Variants in FILIP1L observed in about 807,000 individuals in gnomAD.
FILIP1L encodes the protein filamin A-interacting protein 1-like.
FILIP1L carries 55 observed loss-of-function variants against 96.6 expected under a neutral mutation model. The ratio of observed to expected loss-of-function variants is 0.57; its 90% CI spans 0.46 to 0.71. The LOEUF is 0.71. Ranked by LOEUF, FILIP1L falls within the 30% of genes least tolerant of loss-of-function variation. The pLI is 0.00. For synonymous variants in FILIP1L, 467 were observed against 473.9 expected, an observed-to-expected ratio of 0.99 and a Z score of 0.19; for missense variants, 1,304 against 1,321.2, an observed-to-expected ratio of 0.99 and a Z score of 0.20.
At chr3:100,041,523 GA>G (rs2065204875) in intron 1 of FILIP1L, 1 of 152,098 alleles carries the variant, frequency 6.6e-6, no homozygotes, top group Non-Finnish European at 1.5e-5. Flanking sequence ...CAAAGAATGT[GA>G]GGTCAAATTT....
chr3:99,849,054 C>T lies in FILIP1L; in HGVS notation c.2622G>A (p.Gln874=). 1 of 1,614,176 alleles carries T rather than the reference C, an allele frequency of 6.2e-7. No individual in the cohort carries two copies. The highest frequency in any genetic ancestry group is 1.3e-5 in the African/African-American group (1 of 75,060). The change falls in exon 5 of 6, where the codon CAG becomes CAA. Residue 874 remains glutamine, a synonymous_variant. Transcript: ENST00000477258. ...PWMKSKEGHL[Q]NGKMQTKPNA... ...TGGGTTTAGTTTGCATTTTTCCATT[C>T]TGAAGATGGCCCTCCTTGGATTTCA...
chr3:99,979,916 G>C (rs1303705860), intron 1 of FILIP1L, among the ~76,000 whole-genome samples: 1 of 152,168 alleles, frequency 6.6e-6, no homozygotes, highest in Non-Finnish European at 1.5e-5. Context: ...GCTGTGAAGG[G>C]TGAGGTAGGA....
Position 100,079,024 on chromosome 3 carries a change from C to T in FILIP1L, c.-11+35029G>A, listed in dbSNP as rs147856500. On this transcript the variant is annotated intron_variant, in intron 1 of 5. Coordinates refer to ENST00000477258, the MANE Select transcript of FILIP1L (RefSeq NM_001387850.1). ...TTGGACAAGCTTGGACTAGGTTCAA[C>T]TAGATGGCTCTCTTTTCCAAATGAG... Among the ~76,000 whole-genome samples the T allele has an allele frequency of 4.6e-3, 707 of 152,330 alleles. 2 individuals carry two copies. Among genetic ancestry groups the T allele is most frequent in the South Asian group, 7.0e-3 (34 of 4,824 alleles).
At chr3:100,029,568 C>A (rs910654609) in intron 1 of FILIP1L, among the ~76,000 whole-genome samples, 2 of 152,126 alleles carry the variant, frequency 1.3e-5, no homozygotes, top group Admixed American at 1.3e-4. Context: ...AAAGACATAG[C>A]TTTTCTTTGA....
chr3:100,012,525 C>G (rs1253376693), intron 1 of FILIP1L, among the ~76,000 whole-genome samples: 1 of 151,882 alleles, frequency 6.6e-6, no homozygotes, highest in Non-Finnish European at 1.5e-5. Context: ...AGGGTAGAAA[C>G]TTATGGGAAT....
intron 5 of FILIP1L, among the ~76,000 whole-genome samples, chr3:99,841,808 G>C (rs1326129546): frequency 5.3e-5 from 8 of 152,132 alleles, no homozygotes; most frequent in African/African-American, 1.9e-4. Flanking sequence ...TGCAAGAATG[G>C]CCATAATCAA....
intron 4 of FILIP1L, among the ~76,000 whole-genome samples, chr3:99,918,044 C>T (rs1008041000): frequency 4.5e-4 from 69 of 152,256 alleles, no homozygotes; most frequent in African/African-American, 1.6e-3. Flanking sequence ...GTGGCGTGAT[C>T]TCGGCTCACT....
intron 1 of FILIP1L, among the ~76,000 whole-genome samples, chr3:100,078,960 G>T (rs578009841): frequency 2.6e-5 from 4 of 152,234 alleles, no homozygotes; most frequent in Non-Finnish European, 5.9e-5. Context: ...TTTGTGTTGG[G>T]CCACATTCAA....
intron 1 of FILIP1L, among the ~76,000 whole-genome samples, chr3:100,084,656 A>G (rs1307152420): frequency 6.6e-6 from 1 of 152,254 alleles, no homozygotes; most frequent in African/African-American, 2.4e-5. Flanking sequence ...CCGTAAAGCC[A>G]TAAGTTAGAG....
chr3:99,919,529 T>A (rs1163557806), intron 4 of FILIP1L, among the ~76,000 whole-genome samples: 1 of 151,562 alleles, frequency 6.6e-6, no homozygotes, highest in African/African-American at 2.4e-5. Context: ...AACTAATGAG[T>A]TTAACCTAAA....
chr3:100,093,590 G>A (rs920544992), intron 1 of FILIP1L, among the ~76,000 whole-genome samples: 5 of 152,098 alleles, frequency 3.3e-5, no homozygotes, highest in Non-Finnish European at 7.4e-5. Flanking sequence ...ACATCTTACA[G>A]AACTGTAGTG....
At chr3:100,005,734 C>T (rs1335055182) in intron 1 of FILIP1L, among the ~76,000 whole-genome samples, 1 of 152,168 alleles carries the variant, frequency 6.6e-6, no homozygotes, top group Non-Finnish European at 1.5e-5. Context: ...TCATAATAAA[C>T]ACACTTGGTT....
intron 4 of FILIP1L, among the ~76,000 whole-genome samples, chr3:99,920,736 T>C (rs1487821960): frequency 6.6e-6 from 1 of 152,102 alleles, no homozygotes; most frequent in East Asian, 1.9e-4. Flanking sequence ...CATTTTGGCC[T>C]GAGCTCAATG....
At chr3:99,887,313 A>T (rs761202114) in intron 4 of FILIP1L, among the ~76,000 whole-genome samples, 1 of 152,172 alleles carries the variant, frequency 6.6e-6, no homozygotes, top group Non-Finnish European at 1.5e-5. Context: ...GTAGATCTTC[A>T]TCAGAAGTTA....
chr3:100,001,892 G>A lies in FILIP1L; in HGVS notation c.-10-70862C>T, dbSNP rs543543447. On this transcript the variant is annotated intron_variant, in intron 1 of 5. Transcript: ENST00000477258. ...ACCCTCCCCTAAGCTGCTCAGCATA[G>A]AAGGTCGGGGACCCAACACGGTGTC... Among the ~76,000 whole-genome samples the A allele has an allele frequency of 3.9e-5, 6 of 152,314 alleles. No homozygotes were observed. The East Asian group carries it at 1.2e-3, about 29-fold the overall frequency.
At chr3:100,039,455 C>T (rs1310191492) in intron 1 of FILIP1L, among the ~76,000 whole-genome samples, 1 of 152,064 alleles carries the variant, frequency 6.6e-6, no homozygotes, top group Non-Finnish European at 1.5e-5. Flanking sequence ...AAAATACCAA[C>T]TTGGTTTAAT....
chr3:99,982,497 C>T lies in FILIP1L; in HGVS notation c.-10-51467G>A, dbSNP rs374810070. 5.9e-5 allele frequency among the ~76,000 whole-genome samples: 9 copies of T among 152,172 alleles called. No individual in the cohort carries two copies. In the East Asian group the frequency reaches 7.7e-4, roughly 13 times the overall value. Reference sequence around the variant, plus strand: ...CTGGGACTACAGGCACATGCCACCACGCCCAGCTAATTTTTTTATTTTTTT... The same window carrying T: ...CTGGGACTACAGGCACATGCCACCATGCCCAGCTAATTTTTTTATTTTTTT... On this transcript the variant is annotated intron_variant, in intron 1 of 5. Coordinates refer to ENST00000477258, the MANE Select transcript of FILIP1L (RefSeq NM_001387850.1).
chr3:100,095,257 T>C (rs1045468326), intron 1 of FILIP1L, among the ~76,000 whole-genome samples: 2 of 152,230 alleles, frequency 1.3e-5, no homozygotes, highest in African/African-American at 2.4e-5. Context: ...ATCTTGCCTA[T>C]ATCTACAAAA....
chr3:100,063,493 TA>T (rs913873834), intron 1 of FILIP1L, among the ~76,000 whole-genome samples: 1 of 151,880 alleles, frequency 6.6e-6, no homozygotes, highest in Admixed American at 6.6e-5. Context: ...GAATTTACTT[TA>T]AAAAAAAGAA....
Sources: allele counts gnomAD v4.1 joint callset (sites outside exome capture counted in the v4.1 genomes callset), GRCh38; gene constraint gnomAD v4.1.1; transcripts MANE v1.5; gene names NCBI Gene and HGNC (gene_info 2026-07-23, HGNC 2026-07-21).